UGT2A3: variants seen among roughly 807,000 people sequenced by gnomAD.
UGT2A3 encodes the protein UDP glucuronosyltransferase family 2 member A3.
In UGT2A3, 55 loss-of-function variants were observed where a neutral mutation model predicts 44.1. That is an observed-to-expected ratio of 1.25 (90% CI 1.00 to 1.56). The LOEUF is 1.56. Ranked by LOEUF, UGT2A3 falls within the 40% of genes most tolerant of loss-of-function variation. The probability of loss-of-function intolerance (pLI) is 0.00; values close to 1 mark genes in which losing one functional copy is unlikely to be tolerated. For synonymous variants in UGT2A3, 243 were observed against 215.1 expected (o/e 1.13, Z -1.13); for missense variants, 733 against 621.6 (o/e 1.18, Z -1.91).
chr4:68,950,804 A>G (rs765625591), intron 1 of UGT2A3, among the ~76,000 whole-genome samples: 2 of 151,844 alleles, frequency 1.3e-5, no homozygotes, highest in Non-Finnish European at 2.9e-5. Flanking sequence ...GATTTGCGCT[A>G]TTTGGAGGAA....
chr4:68,943,790 T>C (rs189716285), intron 2 of UGT2A3, among the ~76,000 whole-genome samples: 19 of 151,902 alleles, frequency 1.3e-4, no homozygotes, highest in Admixed American at 1.2e-3. Flanking sequence ...AGATACAGCC[T>C]ACTTGGGCTT....
intron 5 of UGT2A3, 39 bp downstream of exon 5, chr4:68,930,507 G>T: frequency 6.5e-7 from 1 of 1,527,348 alleles, no homozygotes. Flanking sequence ...GTATAACATA[G>T]TCAATGTTAG....
At chr4:68,941,554 A>C (rs1718186900) in intron 2 of UGT2A3, among the ~76,000 whole-genome samples, 1 of 151,956 alleles carries the variant, frequency 6.6e-6, no homozygotes, top group African/African-American at 2.4e-5. Context: ...CTGTAGGAGG[A>C]ATGATTTGTG....
At chr4:68,933,064 A>G (rs936978672) in intron 2 of UGT2A3, among the ~76,000 whole-genome samples, 4 of 152,182 alleles carry the variant, frequency 2.6e-5, no homozygotes, top group African/African-American at 9.6e-5. Flanking sequence ...TCCTAAAACC[A>G]AAATAATTTG....
At chr4:68,938,902 A>G (rs992054230) in intron 2 of UGT2A3, among the ~76,000 whole-genome samples, 8 of 151,834 alleles carry the variant, frequency 5.3e-5, no homozygotes, top group Non-Finnish European at 1.0e-4. Context: ...TTCCTATATA[A>G]CAATAACAGA....
In UGT2A3 at chr4:68,951,733, A is replaced by T; in HGVS notation, c.28T>A (p.Phe10Ile). Reference sequence around the variant, plus strand: ...ACACAGAAGAGCTGCAGGAGCAGAAATACCAAAGCTGACTTGTCAGACCTC... The same window carrying T: ...ACACAGAAGAGCTGCAGGAGCAGAATTACCAAAGCTGACTTGTCAGACCTC... MRSDKSALV[F>I]LLLQLFCVGC... is the part of the protein sequence containing the mutation. Residue 10 changes from phenylalanine (F) to isoleucine (I), a missense_variant, in exon 1 of 6, where the codon TTT (phenylalanine) becomes ATT (isoleucine). Physicochemically the swap from Phe to Ile is conservative, Grantham distance 21. Coordinates refer to ENST00000251566, the MANE Select transcript of UGT2A3 (RefSeq NM_024743.4). The T allele has an allele frequency of 6.2e-7, 1 of 1,601,094 alleles. No homozygotes were observed. Among genetic ancestry groups the T allele is most frequent in the East Asian group, 2.2e-5 (1 of 44,520 alleles).
At position 68,929,836 on chromosome 4, in the gene UGT2A3, T is replaced by C; in HGVS notation, c.1561A>G (p.Arg521Gly). ...LFSCQKFNKT[R>G]KIEKRE The stretch of plus-strand genomic sequence containing the variant: ...ATCTATTCCCTCTTTTCTATCTTTC[T>C]AGTTTTATTAAATTTTTGACAGGAA... Residue 521 changes from arginine to glycine, a missense_variant, in exon 6 of 6, where the codon AGA becomes GGA. Coordinates refer to ENST00000251566, the MANE Select transcript of UGT2A3 (RefSeq NM_024743.4). 1 of 1,604,438 alleles carries C rather than the reference T, an allele frequency of 6.2e-7. No homozygotes were observed. Among genetic ancestry groups the C allele is most frequent in the South Asian group, 1.1e-5 (1 of 89,704 alleles).
intron 2 of UGT2A3, among the ~76,000 whole-genome samples, chr4:68,937,189 T>G (rs1266505125): frequency 1.3e-5 from 2 of 152,128 alleles, no homozygotes; most frequent in Non-Finnish European, 2.9e-5. Context: ...ATCCAGGACT[T>G]GAACTCAGCT....
At chr4:68,942,542 T>TA (rs1718238887) in intron 2 of UGT2A3, among the ~76,000 whole-genome samples, 2 of 146,094 alleles carry the variant, frequency 1.4e-5, no homozygotes, top group Admixed American at 7.0e-5. Context: ...TATATATACA[T>TA]TTTCCAATGT....
At chr4:68,933,545 A>T (rs1246952026) in intron 2 of UGT2A3, among the ~76,000 whole-genome samples, 2 of 152,046 alleles carry the variant, frequency 1.3e-5, no homozygotes, top group African/African-American at 4.8e-5. Flanking sequence ...ATCTTGGCAG[A>T]TGCTTTGTGG....
At chr4:68,939,577 C>T (rs1433341282) in intron 2 of UGT2A3, among the ~76,000 whole-genome samples, 1 of 152,060 alleles carries the variant, frequency 6.6e-6, no homozygotes, top group Non-Finnish European at 1.5e-5. Flanking sequence ...AATGTTAGAC[C>T]TGAAACCATA....
chr4:68,931,372 A>C, intron 3 of UGT2A3, 130 bp from the exon 4 acceptor site: 1 of 634,016 alleles, frequency 1.6e-6, no homozygotes, highest in South Asian at 2.7e-5. Flanking sequence ...GTGTAGAGCT[A>C]CCGCGTAAAG....
chr4:68,945,743 G>A (rs1577855777), intron 1 of UGT2A3, among the ~76,000 whole-genome samples: 1 of 149,650 alleles, frequency 6.7e-6, no homozygotes, highest in African/African-American at 2.4e-5. Flanking sequence ...AAAGAAGGAA[G>A]GAAGGAAGGA....
chr4:68,936,118 A>G (rs1560457433), intron 2 of UGT2A3, among the ~76,000 whole-genome samples: 1 of 152,126 alleles, frequency 6.6e-6, no homozygotes, highest in Admixed American at 6.5e-5. Flanking sequence ...GAGAGAATGG[A>G]ACCAAGTTAG....
chr4:68,945,296 A>G lies in UGT2A3; in HGVS notation c.864+10T>C. On this transcript the variant is annotated intron_variant, in intron 2 of 5. Coordinates refer to ENST00000251566, the MANE Select transcript of UGT2A3 (RefSeq NM_024743.4). ...AAAGTACATAATATTCCTTAATACA[A>G]TAGTCCTACCTTAGGCAAAGCTTTG... is the stretch of plus-strand genomic sequence containing the variant. 1 of 1,610,760 alleles carries G rather than the reference A, an allele frequency of 6.2e-7. No individual in the cohort carries two copies. The highest frequency in any genetic ancestry group is 8.5e-7 in the Non-Finnish European group (1 of 1,178,050).
At chr4:68,931,338 T>G in intron 3 of UGT2A3, 96 bp from the exon 4 acceptor site, 8 of 980,662 alleles carry the variant, frequency 8.2e-6, no homozygotes, top group South Asian at 1.6e-5. Context: ...TCATTGTACT[T>G]CAGGTGATGG....
At chr4:68,949,853 A>T (rs1718515388) in intron 1 of UGT2A3, among the ~76,000 whole-genome samples, 1 of 151,884 alleles carries the variant, frequency 6.6e-6, no homozygotes, top group South Asian at 2.1e-4. Flanking sequence ...TTGGAGCTAC[A>T]TAATAAATAT....
In UGT2A3 at chr4:68,942,319, ATCTCTCTCTC is replaced by A. The variant is rs3071533; in HGVS notation, c.864+2977_864+2986del. 1.4e-5 allele frequency among the ~76,000 whole-genome samples: 2 copies of A among 145,994 alleles called. 1 individual carries two copies. The highest frequency in any genetic ancestry group is 4.3e-4 in the South Asian group (2 of 4,680). On this transcript the variant is annotated intron_variant, in intron 2 of 5. Transcript: ENST00000251566. ...GATATATATACACACATTTGAAAAT[ATCTCTCTCTC>A]TCTCTCTCTCTATATATATATATGC...
intron 1 of UGT2A3, among the ~76,000 whole-genome samples, chr4:68,945,933 T>C (rs542304444): frequency 6.6e-6 from 1 of 151,726 alleles, no homozygotes; most frequent in East Asian, 2.0e-4. Flanking sequence ...TAGTCAAGGG[T>C]ATATCTTTCA....
Sources: gnomAD v4.1 joint callset for allele counts (sites outside exome capture counted in the v4.1 genomes callset) on GRCh38, gnomAD v4.1.1 for gene constraint, MANE v1.5 for transcripts, NCBI Gene and HGNC (gene_info 2026-07-23, HGNC 2026-07-21) for gene names.